The following RAI1 variants were observed in gnomAD, a reference collection of about 807,000 sequenced individuals.
RAI1 encodes the protein retinoic acid-induced protein 1.
A neutral mutation model predicts 123.8 loss-of-function variants in RAI1; 9 were observed. That is an observed-to-expected ratio of 0.07 (90% CI 0.04 to 0.13). The LOEUF is 0.13. RAI1 is among the 10% of genes least tolerant of loss of function. The pLI is 1.00. For synonymous variants in RAI1, 1,231 were observed against 1,127.3 expected (o/e 1.09, Z -1.84); for missense variants, 2,256 against 2,545.8 (o/e 0.89, Z 2.45).
At chr17:17,726,079 GCCTTGTTCAGGGA>G (rs1567852336) in intron 2 of RAI1, among the ~76,000 whole-genome samples, 2 of 152,272 alleles carry the variant, frequency 1.3e-5, no homozygotes, top group East Asian at 3.9e-4. Flanking sequence ...GCTGGGTGGT[GCCTTGTTCAGGGA>G]CCTTGTGGGA....
rs530964515 is a variant in RAI1, at chr17:17,706,192, G to A, written c.-148-17836G>A. Among the ~76,000 whole-genome samples the A allele has an allele frequency of 2.1e-3, 321 of 152,152 alleles. 1 individual carries two copies. Among genetic ancestry groups the A allele is most frequent in the Non-Finnish European group, 3.8e-3 (260 of 68,000 alleles). On this transcript the variant is annotated intron_variant, in intron 1 of 5. Coordinates refer to ENST00000353383, the MANE Select transcript of RAI1 (RefSeq NM_030665.4). ...CCCTATGGGATGCTTGGGGTGGGGCGTCAGATTTGCAGAGCTGGGGCGAGG... is the reference window on the plus strand; with the variant it reads ...CCCTATGGGATGCTTGGGGTGGGGCATCAGATTTGCAGAGCTGGGGCGAGG...
chr17:17,739,912 C>T (rs1916563777), intron 2 of RAI1, among the ~76,000 whole-genome samples: 1 of 152,190 alleles, frequency 6.6e-6, no homozygotes, highest in Non-Finnish European at 1.5e-5. Context: ...CAGCGGTGCT[C>T]GGCCCTTCCC....
intron 2 of RAI1, among the ~76,000 whole-genome samples, chr17:17,751,812 G>A (rs1307152172): frequency 1.3e-5 from 2 of 152,086 alleles, no homozygotes; most frequent in Admixed American, 6.5e-5. Context: ...CCTAGTACCC[G>A]TTCCCCTTAG....
chr17:17,770,848 C>T (rs2031130199), intron 2 of RAI1: 1 of 152,330 alleles, frequency 6.6e-6, no homozygotes, highest in African/African-American at 2.4e-5. Context: ...TGACAAACGC[C>T]CTACTCTCGC....
chr17:17,787,065 A>C (rs931178933), intron 2 of RAI1, among the ~76,000 whole-genome samples: 4 of 152,174 alleles, frequency 2.6e-5, no homozygotes, highest in Admixed American at 6.5e-5. Context: ...AACAAACAAA[A>C]AAACTAGCAG....
chr17:17,740,885 C>T (rs1251485742), intron 2 of RAI1, among the ~76,000 whole-genome samples: 1 of 148,608 alleles, frequency 6.7e-6, no homozygotes, highest in Non-Finnish European at 1.5e-5. Context: ...TGAAAGGAAA[C>T]TCAATCTTGT....
At chr17:17,728,275 G>A (rs950825719) in intron 2 of RAI1, among the ~76,000 whole-genome samples, 6 of 151,938 alleles carry the variant, frequency 3.9e-5, no homozygotes, top group African/African-American at 7.3e-5. Flanking sequence ...CTGGGTGGGC[G>A]AAGAGAGGGA....
chr17:17,699,920 C>G (rs1410335693), intron 1 of RAI1, among the ~76,000 whole-genome samples: 1 of 152,206 alleles, frequency 6.6e-6, no homozygotes, highest in Non-Finnish European at 1.5e-5. Context: ...AGGTTCAAAG[C>G]TCACTGTGGC....
intron 1 of RAI1, among the ~76,000 whole-genome samples, chr17:17,696,988 G>A (rs1915059660): frequency 6.6e-6 from 1 of 152,166 alleles, no homozygotes; most frequent in African/African-American, 2.4e-5. Context: ...GCCTCTCTCT[G>A]GAGGCATGCA....
In RAI1 at chr17:17,795,374, A is replaced by G. The variant is rs1373438269; in HGVS notation, c.2426A>G (p.Asp809Gly). Residue 809 changes from aspartate to glycine, a missense_variant, in exon 3 of 6, where the codon GAC becomes GGC. By Grantham distance (94) the Asp-to-Gly change is moderately conservative. Coordinates refer to ENST00000353383, the MANE Select transcript of RAI1 (RefSeq NM_030665.4). The surrounding 1 kb of genome is among the most constrained non-coding windows in gnomAD (Gnocchi z 5.9). ...PGEKVASLPG[D>G]FKQEEVGGVK... ...GAGAAGGTGGCCTCGTTGCCCGGGG[A>G]CTTCAAGCAGGAGGAGGTGGGTGGG... 4 of 1,594,022 alleles carry G rather than the reference A, an allele frequency of 2.5e-6. No individual in the cohort carries two copies. Among genetic ancestry groups the G allele is most frequent in the South Asian group, 2.3e-5 (2 of 88,410 alleles).
chr17:17,746,614 C>CTTTTT (rs934770775), intron 2 of RAI1, among the ~76,000 whole-genome samples: 4 of 143,102 alleles, frequency 2.8e-5, no homozygotes, highest in Non-Finnish European at 6.2e-5. Flanking sequence ...TATGTGTTTT[C>CTTTTT]TTTTTTTTTC....
intron 3 of RAI1, among the ~76,000 whole-genome samples, chr17:17,798,776 A>G (rs1464099983): frequency 1.3e-5 from 2 of 151,810 alleles, no homozygotes; most frequent in Non-Finnish European, 2.9e-5. Context: ...CCACTCTCCC[A>G]CTCACCTGGC....
intron 2 of RAI1, among the ~76,000 whole-genome samples, chr17:17,756,383 G>A (rs532129286): frequency 6.6e-6 from 1 of 152,212 alleles, no homozygotes; most frequent in East Asian, 1.9e-4. Flanking sequence ...TTTTATTAGA[G>A]ACAGGGTTTC....
intron 1 of RAI1, among the ~76,000 whole-genome samples, chr17:17,710,523 T>C (rs1567839526): frequency 6.6e-6 from 1 of 152,180 alleles, no homozygotes; most frequent in African/African-American, 2.4e-5. Flanking sequence ...CTGCCAGTGG[T>C]GGCCTTTCGG....
At chr17:17,746,196 C>T (rs2029908938) in intron 2 of RAI1, among the ~76,000 whole-genome samples, 1 of 152,192 alleles carries the variant, frequency 6.6e-6, no homozygotes, top group African/African-American at 2.4e-5. Context: ...CCGGCAGATG[C>T]CCCCGGGGGT....
chr17:17,696,781 A>C (rs1471017796), intron 1 of RAI1, among the ~76,000 whole-genome samples: 1 of 152,206 alleles, frequency 6.6e-6, no homozygotes, highest in East Asian at 1.9e-4. Flanking sequence ...GGGCTCCAAT[A>C]GTAAGGGGCT....
intron 1 of RAI1, among the ~76,000 whole-genome samples, chr17:17,694,347 G>A (rs1338457359): frequency 2.0e-5 from 3 of 152,128 alleles, no homozygotes. Flanking sequence ...GAGGAACATA[G>A]CCAGGAAGAC....
chr17:17,798,236 C>A lies in RAI1; in HGVS notation c.5288C>A (p.Pro1763Gln), dbSNP rs755395511. The A allele has an allele frequency of 2.5e-6, 4 of 1,609,856 alleles. No homozygotes were observed. Among genetic ancestry groups the A allele is most frequent in the Non-Finnish European group, 3.4e-6 (4 of 1,178,584 alleles). Residue 1763 changes from proline (P) to glutamine (Q), a missense_variant, in exon 3 of 6, where the codon CCG (proline) becomes CAG (glutamine). Pro to Gln is a moderately conservative substitution (Grantham distance 76, BLOSUM62 -1). Around this residue, in one of 7 missense-constraint regions of RAI1, gnomAD observed 243 missense variants for 316.6 expected, o/e 0.77. Coordinates refer to ENST00000353383, the MANE Select transcript of RAI1 (RefSeq NM_030665.4). ...CCCAGGCCTGACGGCCCAGCTGACCCGGCCAAGCAGGGCCCACTGCGCACC... is the reference window on the plus strand; with the variant it reads ...CCCAGGCCTGACGGCCCAGCTGACCAGGCCAAGCAGGGCCCACTGCGCACC... ...KPPRPDGPADPAKQGPLRTSA... is the reference protein window; with the variant it reads ...KPPRPDGPADQAKQGPLRTSA...
rs374458918 is a variant in RAI1, at chr17:17,795,669, G to C, written c.2721G>C (p.Val907=). The C allele has an allele frequency of 5.0e-6, 8 of 1,613,240 alleles. No individual in the cohort carries two copies. The highest frequency in any genetic ancestry group is 1.3e-5 in the African/African-American group (1 of 74,942). The change falls in exon 3 of 6, where the codon GTG becomes GTC. Residue 907 remains valine (V), a synonymous_variant. Transcript: ENST00000353383. This position sits in a 1 kb window ranked among gnomAD's most constrained non-coding sequence, Gnocchi z 5.9. ...GCACCAAGGAGGAGGTGGAGGAGGT[G>C]CTGGACTCCAAGGCCGGCTGGGGCT... ...LICTKEEVEE[V]LDSKAGWGSP...
Sources: gnomAD v4.1 joint callset for allele counts (sites outside exome capture counted in the v4.1 genomes callset) on GRCh38, gnomAD v4.1.1 for gene constraint, gnomAD v4.1.1 regional missense constraint, Gnocchi (gnomAD v3.1) non-coding constraint, MANE v1.5 for transcripts, NCBI Gene and HGNC (gene_info 2026-07-23, HGNC 2026-07-21) for gene names.